ENPP3: variants seen among roughly 807,000 people sequenced by gnomAD.
ENPP3 encodes ectonucleotide pyrophosphatase/phosphodiesterase family member 3.
In ENPP3, 104 loss-of-function variants were observed where a neutral mutation model predicts 117.8. The ratio of observed to expected loss-of-function variants is 0.88; its 90% CI spans 0.75 to 1.04. The LOEUF is 1.04. Ranked by LOEUF, ENPP3 falls within the 50% of genes least tolerant of loss-of-function variation. The pLI, the probability that ENPP3 is intolerant of heterozygous loss-of-function variation, is 0.00. For missense variants in ENPP3, 1,026 were observed against 1,051.9 expected, an observed-to-expected ratio of 0.98 and a Z score of 0.34; for synonymous variants, 380 against 349.9, an observed-to-expected ratio of 1.09 and a Z score of -0.96.
At chr6:131,682,300 C>T (rs1378200663) in intron 11 of ENPP3, among the ~76,000 whole-genome samples, 2 of 151,822 alleles carry the variant, frequency 1.3e-5, no homozygotes, top group Non-Finnish European at 2.9e-5. Flanking sequence ...TTGAGAACAG[C>T]CTGGGAAACT....
Position 131,747,064 on chromosome 6 carries a change from A to C in ENPP3, c.*108A>C. ...AAAATAAAGTTTTCTATTTTTCCTT[A>C]AGTCCCCTAAAAGCCATAATTTTTA... is the stretch of plus-strand genomic sequence containing the variant. On this transcript the variant is annotated 3_prime_UTR_variant, in exon 25 of 25. Coordinates refer to ENST00000357639, the MANE Select transcript of ENPP3 (RefSeq NM_005021.5). 1 of 540,730 alleles carries C rather than the reference A, an allele frequency of 1.8e-6. No individual in the cohort carries two copies. The highest frequency in any genetic ancestry group is 3.1e-6 in the Non-Finnish European group (1 of 325,220). The allele number at this position is 540,730 out of a possible 1,614,324, so 33.5% of individuals were successfully genotyped here.
intron 7 of ENPP3, 133 bp from the exon 8 acceptor site, chr6:131,674,029 G>C (rs1778809445): frequency 1.7e-6 from 1 of 579,656 alleles, no homozygotes. Context: ...TGTAAGTTCA[G>C]GTCCAGGTGT....
At chr6:131,674,367 GT>G (rs1453101079) in intron 8 of ENPP3, 86 bp downstream of exon 8, 1 of 1,301,140 alleles carries the variant, frequency 7.7e-7, no homozygotes, top group South Asian at 1.2e-5. Flanking sequence ...AGTGGAGCAA[GT>G]TCTATGTCAC....
intron 6 of ENPP3, among the ~76,000 whole-genome samples, chr6:131,660,888 TC>T (rs1301111373): frequency 6.6e-6 from 1 of 152,144 alleles, no homozygotes; most frequent in Admixed American, 6.6e-5. Context: ...ATTCCACATT[TC>T]CCCCTTACCC....
chr6:131,679,190 A>C (rs1778968382), intron 11 of ENPP3, among the ~76,000 whole-genome samples: 1 of 150,688 alleles, frequency 6.6e-6, no homozygotes, highest in Non-Finnish European at 1.5e-5. Flanking sequence ...CATGTCCCGG[A>C]TTCAAGCAGT....
At chr6:131,650,649 C>T (rs1778244105) in intron 3 of ENPP3, among the ~76,000 whole-genome samples, 1 of 152,172 alleles carries the variant, frequency 6.6e-6, no homozygotes, top group Admixed American at 6.5e-5. Context: ...ACTGGAAGTC[C>T]AACTTCTAGG....
At chr6:131,695,742 C>A (rs1232875828) in intron 15 of ENPP3, among the ~76,000 whole-genome samples, 1 of 151,958 alleles carries the variant, frequency 6.6e-6, no homozygotes, top group South Asian at 2.1e-4. Context: ...GGTGAAACCC[C>A]ATCTCTACTA....
intron 2 of ENPP3, among the ~76,000 whole-genome samples, chr6:131,646,097 G>A (rs1173647550): frequency 6.6e-6 from 1 of 151,950 alleles, no homozygotes; most frequent in Non-Finnish European, 1.5e-5. Context: ...ATTAAGACTT[G>A]GAATCTTCTT....
intron 11 of ENPP3, among the ~76,000 whole-genome samples, chr6:131,682,653 A>G (rs1779051321): frequency 6.6e-6 from 1 of 151,968 alleles, no homozygotes; most frequent in Non-Finnish European, 1.5e-5. Flanking sequence ...GCTCTTTTTA[A>G]CTCCCTGGAA....
chr6:131,690,000 G>T (rs1052887408), intron 14 of ENPP3, among the ~76,000 whole-genome samples: 2 of 152,170 alleles, frequency 1.3e-5, no homozygotes, highest in Admixed American at 1.3e-4. Flanking sequence ...CTGAGTTGCT[G>T]CAATCTCATG....
intron 2 of ENPP3, among the ~76,000 whole-genome samples, chr6:131,648,499 A>T (rs921198606): frequency 6.6e-6 from 1 of 152,102 alleles, no homozygotes; most frequent in Non-Finnish European, 1.5e-5. Context: ...CCACTTAAAA[A>T]TTTTTATTAT....
intron 24 of ENPP3, among the ~76,000 whole-genome samples, chr6:131,745,779 C>T (rs1051908922): frequency 1.3e-5 from 2 of 152,052 alleles, no homozygotes; most frequent in South Asian, 2.1e-4. Context: ...TAAATTGGTA[C>T]GAAGACTTTG....
At chr6:131,646,698 G>A (rs1314458174) in intron 2 of ENPP3, among the ~76,000 whole-genome samples, 2 of 148,232 alleles carry the variant, frequency 1.3e-5, no homozygotes, top group South Asian at 2.1e-4. Flanking sequence ...CTTACCTAAC[G>A]ACACCCTGGG....
rs927982148 is a variant in ENPP3, at chr6:131,746,700, A to G, written c.2458-86A>G. On this transcript the variant is annotated intron_variant, in intron 24 of 24. Transcript: ENST00000357639. The stretch of plus-strand genomic sequence containing the variant: ...TAAGGAGGTAAAAATCATCGGCAAA[A>G]AGACAACTTCTAAGCAATAAAAATA... 8 of 1,232,174 alleles carry G rather than the reference A, an allele frequency of 6.5e-6. No individual in the cohort carries two copies. In the African/African-American group the frequency reaches 9.3e-5, roughly 14 times the overall value. 76.3% of individuals were successfully genotyped at this position (1,232,174 alleles called of 1,614,324 possible).
chr6:131,641,074 CA>C (rs1447590242), intron 1 of ENPP3, among the ~76,000 whole-genome samples: 1 of 152,010 alleles, frequency 6.6e-6, no homozygotes, highest in East Asian at 1.9e-4. Flanking sequence ...AACAGTTCTG[CA>C]ATTCTTTTCA....
chr6:131,707,435 T>C (rs1779667524), intron 15 of ENPP3, among the ~76,000 whole-genome samples: 1 of 76,648 alleles, frequency 1.3e-5, no homozygotes, highest in East Asian at 4.0e-4. Flanking sequence ...AAGTGTTTTC[T>C]GTTCTTATCT....
At chr6:131,660,616 A>C (rs956760115) in intron 6 of ENPP3, among the ~76,000 whole-genome samples, 1 of 152,238 alleles carries the variant, frequency 6.6e-6, no homozygotes, top group Non-Finnish European at 1.5e-5. Context: ...GAGATCCAGC[A>C]GGGGACATAT....
chr6:131,703,016 G>T (rs552225440), intron 15 of ENPP3, among the ~76,000 whole-genome samples: 2 of 151,778 alleles, frequency 1.3e-5, no homozygotes, highest in Admixed American at 6.6e-5. Flanking sequence ...TGCTCAGATT[G>T]TGTGGCCTCG....
At chr6:131,694,702 G>A (rs1339526282) in intron 15 of ENPP3, among the ~76,000 whole-genome samples, 1 of 151,932 alleles carries the variant, frequency 6.6e-6, no homozygotes, top group African/African-American at 2.4e-5. Context: ...GCCAGGCATG[G>A]TAGCACCTGT....
Sources: gnomAD v4.1 joint callset for allele counts (sites outside exome capture counted in the v4.1 genomes callset) on GRCh38, gnomAD v4.1.1 for gene constraint, MANE v1.5 for transcripts, NCBI Gene and HGNC (gene_info 2026-07-23, HGNC 2026-07-21) for gene names.